The following PAN3 variants were observed in gnomAD, a reference collection of about 807,000 sequenced individuals.
The protein encoded by PAN3 is poly(A) specific ribonuclease subunit PAN3.
PAN3 carries 19 observed loss-of-function variants against 96.2 expected under a neutral mutation model. The observed-to-expected ratio is 0.20, with a 90% CI of 0.14 to 0.29. The LOEUF (loss-of-function observed/expected upper bound fraction) is 0.29. PAN3 is among the 10% of genes least tolerant of loss of function. PAN3 has a pLI of 1.00. For missense variants in PAN3, 882 were observed against 1,108.1 expected, an observed-to-expected ratio of 0.80 and a Z score of 2.90; for synonymous variants, 433 against 406.6, an observed-to-expected ratio of 1.06 and a Z score of -0.78.
At chr13:28,234,736 AT>A (rs1882919977) in intron 6 of PAN3, among the ~76,000 whole-genome samples, 1 of 151,566 alleles carries the variant, frequency 6.6e-6, no homozygotes, top group African/African-American at 2.4e-5. Context: ...AGTATTCTTT[AT>A]TTTTCTTTCT....
At chr13:28,268,830 G>C (rs1035699762) in intron 12 of PAN3, among the ~76,000 whole-genome samples, 1 of 151,350 alleles carries the variant, frequency 6.6e-6, no homozygotes, top group South Asian at 2.1e-4. Context: ...TTTGCATCCT[G>C]ACAGTTGAAA....
rs1287134658 is a variant in PAN3, at chr13:28,256,526, C to T, written c.1235C>T (p.Pro412Leu). ...TTCTATACAGACACAACTCCAGCAC[C>T]TTTGACTGGAATGGTATGTCTACAT... ...TYFYTDTTPA[P>L]LTGMVFPNYH... Residue 412 changes from proline to leucine, a missense_variant, in exon 7 of 19, where the codon CCT (proline) becomes CTT (leucine). By Grantham distance (98) the Pro-to-Leu change is moderately conservative. This residue lies in a region of PAN3 where 364 missense variants were observed against 513.6 expected (regional missense o/e 0.71). Coordinates refer to ENST00000380958, the MANE Select transcript of PAN3 (RefSeq NM_175854.8). 8 of 1,613,338 alleles carry T rather than the reference C, an allele frequency of 5.0e-6. No homozygotes were observed. Among genetic ancestry groups the T allele is most frequent in the East Asian group, 2.2e-5 (1 of 44,846 alleles).
intron 9 of PAN3, among the ~76,000 whole-genome samples, chr13:28,264,195 A>G (rs866977490): frequency 1.5e-4 from 23 of 152,338 alleles, no homozygotes; most frequent in African/African-American, 4.3e-4. Flanking sequence ...ACTTTTAAGT[A>G]TAAAAAATGT....
intron 5 of PAN3, among the ~76,000 whole-genome samples, chr13:28,218,113 A>G (rs1289425177): frequency 6.6e-6 from 1 of 152,066 alleles, no homozygotes; most frequent in Non-Finnish European, 1.5e-5. Flanking sequence ...TAGTTTTAAA[A>G]AAAGATTTAT....
intron 5 of PAN3, among the ~76,000 whole-genome samples, chr13:28,208,102 T>G (rs1254603762): frequency 1.3e-5 from 2 of 152,188 alleles, no homozygotes; most frequent in South Asian, 2.1e-4. Context: ...AAATAAAATA[T>G]CAACGTGGAA....
At chr13:28,220,150 C>A in intron 5 of PAN3, 81 bp from the exon 6 acceptor site, 1 of 1,312,684 alleles carries the variant, frequency 7.6e-7, no homozygotes, top group Non-Finnish European at 1.0e-6. Context: ...GTAAATAAAG[C>A]ACTGTGGAAT....
rs1244240678 is a variant in PAN3 at position 28,197,254 on chromosome 13, A to G, written c.760A>G (p.Lys254Glu). Residue 254 changes from lysine (K) to glutamate (E), a missense_variant, in exon 5 of 19, where the codon AAG becomes GAG. Physicochemically the swap from Lys to Glu is moderately conservative, Grantham distance 56. This residue lies in a region of PAN3 where 442 missense variants were observed against 422.8 expected (regional missense o/e 1.05). Transcript: ENST00000380958. Reference protein sequence around the residue: ...VPMGSKARKAKNPIGCLADRC... With the variant: ...VPMGSKARKAENPIGCLADRC... ...GATGGGATCAAAGGCACGAAAAGCAAAGAACCCTATTGGCTGCCTTGCTGA... is the reference window on the plus strand; with the variant it reads ...GATGGGATCAAAGGCACGAAAAGCAGAGAACCCTATTGGCTGCCTTGCTGA... The G allele has an allele frequency of 6.2e-7, 1 of 1,613,476 alleles. No individual in the cohort carries two copies. The highest frequency in any genetic ancestry group is 8.5e-7 in the Non-Finnish European group (1 of 1,179,706).
chr13:28,196,052 G>T (rs1878012951), intron 4 of PAN3, among the ~76,000 whole-genome samples: 1 of 149,518 alleles, frequency 6.7e-6, no homozygotes, highest in Non-Finnish European at 1.5e-5. Context: ...TAGAGACAGG[G>T]TCTTGCAATG....
At chr13:28,262,769 C>T (rs1885845416) in intron 9 of PAN3, among the ~76,000 whole-genome samples, 1 of 152,132 alleles carries the variant, frequency 6.6e-6, no homozygotes, top group Non-Finnish European at 1.5e-5. Context: ...TTTCTGTAGG[C>T]CAGTACCCAG....
At chr13:28,272,329 G>C (rs933075710) in intron 14 of PAN3, 1 of 253,036 alleles carries the variant, frequency 4.0e-6, no homozygotes, top group African/African-American at 2.3e-5. Context: ...AGAGTGCAGT[G>C]GTGCTGTCAG....
chr13:28,185,094 A>C (rs963897372), intron 4 of PAN3, among the ~76,000 whole-genome samples: 8 of 152,130 alleles, frequency 5.3e-5, no homozygotes, highest in African/African-American at 1.9e-4. Context: ...TTGTTTTTAT[A>C]TAATTAATTT....
chr13:28,206,702 CTT>C (rs762063037), intron 5 of PAN3, among the ~76,000 whole-genome samples: 3 of 151,070 alleles, frequency 2.0e-5, no homozygotes, highest in Non-Finnish European at 2.9e-5. Context: ...TTTTTTGAAA[CTT>C]TTATTTTCTT....
At chr13:28,253,653 C>T (rs576808876) in intron 6 of PAN3, among the ~76,000 whole-genome samples, 2 of 150,774 alleles carry the variant, frequency 1.3e-5, no homozygotes, top group Admixed American at 1.3e-4. Context: ...CAGACTGGAG[C>T]ACAGTGGCTG....
chr13:28,203,254 G>C lies in PAN3; in HGVS notation c.852+5908G>C, dbSNP rs559383858. Among the ~76,000 whole-genome samples the C allele has an allele frequency of 8.8e-5, 13 of 148,526 alleles. No individual in the cohort carries two copies. The South Asian group carries it at 2.8e-3, about 32-fold the overall frequency. ...GCCTGACCTTAATTTTCTTTTATTGGGTAATATATGTAATTTTGTGGTAAT... is the reference window on the plus strand; with the variant it reads ...GCCTGACCTTAATTTTCTTTTATTGCGTAATATATGTAATTTTGTGGTAAT... On this transcript the variant is annotated intron_variant, in intron 5 of 18. Transcript: ENST00000380958.
chr13:28,173,641 ATTG>A (rs1385560242), intron 1 of PAN3, among the ~76,000 whole-genome samples: 1 of 152,182 alleles, frequency 6.6e-6, no homozygotes, highest in Non-Finnish European at 1.5e-5. Flanking sequence ...GGCCCATCTT[ATTG>A]TTAAACTAGC....
chr13:28,160,777 A>G (rs1593382837), intron 1 of PAN3, among the ~76,000 whole-genome samples: 2 of 152,210 alleles, frequency 1.3e-5, no homozygotes, highest in Non-Finnish European at 2.9e-5. Context: ...AGATTGATCT[A>G]TTTAGATTGC....
At chr13:28,284,196 A>C (rs1868669538) in intron 17 of PAN3, among the ~76,000 whole-genome samples, 1 of 152,202 alleles carries the variant, frequency 6.6e-6, no homozygotes, top group Non-Finnish European at 1.5e-5. Flanking sequence ...TAGGTGAAAA[A>C]TTGAATTTAA....
At chr13:28,290,057 C>G (rs1869549739) in intron 18 of PAN3, among the ~76,000 whole-genome samples, 1 of 152,132 alleles carries the variant, frequency 6.6e-6, no homozygotes, top group Non-Finnish European at 1.5e-5. Flanking sequence ...GCCTGCAGGC[C>G]AAATCCGTTC....
rs775770672 is a variant in PAN3, at chr13:28,220,373, C to T, written c.995C>T (p.Ala332Val). The change falls in exon 6 of 19, where the codon GCG becomes GTG. Residue 332 changes from alanine (A) to valine (V), a missense_variant. By Grantham distance (64) the Ala-to-Val change is moderately conservative. This residue lies in a region of PAN3 where 364 missense variants were observed against 513.6 expected (regional missense o/e 0.71). Coordinates refer to ENST00000380958, the MANE Select transcript of PAN3 (RefSeq NM_175854.8). ...SMGSPATAGL[A>V]PGMSLSAGSS... is the part of the protein sequence containing the mutation. Reference sequence around the variant, plus strand: ...GGAAGCCCTGCTACTGCTGGATTAGCGCCAGGTAAGTTGAGTAACTATTTC... The same window carrying T: ...GGAAGCCCTGCTACTGCTGGATTAGTGCCAGGTAAGTTGAGTAACTATTTC... 1.1e-5 allele frequency: 18 copies of T among 1,613,240 alleles called. No homozygotes were observed. Among genetic ancestry groups the T allele is most frequent in the South Asian group, 8.8e-5 (8 of 90,976 alleles).
Sources: gnomAD v4.1 joint callset for allele counts (sites outside exome capture counted in the v4.1 genomes callset) on GRCh38, gnomAD v4.1.1 for gene constraint, gnomAD v4.1.1 regional missense constraint, MANE v1.5 for transcripts, NCBI Gene and HGNC (gene_info 2026-07-23, HGNC 2026-07-21) for gene names.